NWD2: variants seen among roughly 807,000 people sequenced by gnomAD.
NWD2 encodes NACHT and WD repeat domain-containing protein 2.
Under a neutral mutation model 132.7 loss-of-function variants are expected in NWD2, and 37 were observed. The ratio of observed to expected loss-of-function variants is 0.28; its 90% confidence interval spans 0.21 to 0.37. The LOEUF (loss-of-function observed/expected upper bound fraction) is 0.37, where lower values mean the gene tolerates loss of function less well. Ranked by LOEUF, NWD2 falls within the 10% of genes least tolerant of loss-of-function variation. The pLI is 1.00. For missense variants in NWD2, 1,592 were observed against 2,122.4 expected (o/e 0.75, Z 4.91); for synonymous variants, 705 against 803.0 (o/e 0.88, Z 2.06).
Position 37,445,306 on chromosome 4 carries a change from C to T in NWD2, c.3318C>T (p.Cys1106=). ...HCWYEVTCVQ[C]SLDGLYAFCG... ...GGTATGAAGTGACGTGCGTCCAGTGCTCCCTGGATGGTCTGTATGCTTTCT... is the reference window on the plus strand; with the variant it reads ...GGTATGAAGTGACGTGCGTCCAGTGTTCCCTGGATGGTCTGTATGCTTTCT... Residue 1106 remains cysteine (C), a synonymous_variant, in exon 7 of 7, where the codon TGC becomes TGT. Coordinates refer to ENST00000309447, the MANE Select transcript of NWD2 (RefSeq NM_001144990.2). This position sits in a 1 kb window ranked among gnomAD's most constrained non-coding sequence, Gnocchi z 4.7. 6.4e-7 allele frequency: 1 copy of T among 1,552,052 alleles called. No homozygotes were observed. Among genetic ancestry groups the T allele is most frequent in the South Asian group, 1.2e-5 (1 of 84,062 alleles).
At chr4:37,304,083 A>G (rs1718661021) in intron 1 of NWD2, among the ~76,000 whole-genome samples, 1 of 152,248 alleles carries the variant, frequency 6.6e-6, no homozygotes, top group African/African-American at 2.4e-5. Context: ...AGTGGTTCAC[A>G]GTTCTGTAGG....
chr4:37,247,633 G>A (rs1289765714), intron 1 of NWD2, among the ~76,000 whole-genome samples: 1 of 151,398 alleles, frequency 6.6e-6, no homozygotes, highest in Non-Finnish European at 1.5e-5. Context: ...TTTTGAGACA[G>A]AGTCTCGCTC....
intron 3 of NWD2, among the ~76,000 whole-genome samples, chr4:37,377,030 T>C (rs1387244999): frequency 6.6e-6 from 1 of 152,240 alleles, no homozygotes; most frequent in African/African-American, 2.4e-5. Flanking sequence ...AAACATTTTA[T>C]CATTTTCCTA....
intron 3 of NWD2, among the ~76,000 whole-genome samples, chr4:37,389,959 T>C (rs542650419): frequency 6.6e-6 from 1 of 152,206 alleles, no homozygotes; most frequent in African/African-American, 2.4e-5. Flanking sequence ...TTTGTATTTC[T>C]GGTAGAGATG....
rs180837432 is a variant in NWD2, at chr4:37,245,750, G to A, written c.151+532G>A. The stretch of plus-strand genomic sequence containing the variant: ...GAGGCCAAGCAGACTTTTGTGAACC[G>A]GAGGTCGAGGGGGACACCCTCTGTG... On this transcript the variant is annotated intron_variant, in intron 1 of 6. Coordinates refer to ENST00000309447, the MANE Select transcript of NWD2 (RefSeq NM_001144990.2). 1.4e-3 allele frequency among the ~76,000 whole-genome samples: 219 copies of A among 152,178 alleles called. 3 individuals carry two copies. Among genetic ancestry groups the A allele is most frequent in the African/African-American group, 5.0e-3 (206 of 41,542 alleles).
intron 1 of NWD2, among the ~76,000 whole-genome samples, chr4:37,302,344 C>A (rs190300408): frequency 6.6e-6 from 1 of 152,094 alleles, no homozygotes; most frequent in Admixed American, 6.5e-5. Context: ...ACCATAATTT[C>A]TTTATCCATT....
At position 37,364,691 on chromosome 4, in the gene NWD2, T is replaced by TACACACACACACAC. The variant is rs57981065; in HGVS notation, c.357+8230_357+8243dup. On this transcript the variant is annotated intron_variant, in intron 3 of 6. Coordinates refer to ENST00000309447, the MANE Select transcript of NWD2 (RefSeq NM_001144990.2). ...GTCAGAGCAGACTTCTACCTCCACT[T>TACACACACACACAC]ACACACACACACACACACACACACA... Among the ~76,000 whole-genome samples the TACACACACACACAC allele has an allele frequency of 1.3e-3, 191 of 146,688 alleles. 2 individuals are homozygous for TACACACACACACAC. Among genetic ancestry groups the TACACACACACACAC allele is most frequent in the African/African-American group, 4.4e-3 (172 of 39,506 alleles).
intron 3 of NWD2, among the ~76,000 whole-genome samples, chr4:37,379,575 T>C (rs1057096825): frequency 6.6e-6 from 1 of 152,210 alleles, no homozygotes; most frequent in Admixed American, 6.5e-5. Context: ...TAATGCTTTT[T>C]GTTGGTGTGG....
At chr4:37,292,483 T>C (rs548938490) in intron 1 of NWD2, among the ~76,000 whole-genome samples, 1 of 152,234 alleles carries the variant, frequency 6.6e-6, no homozygotes, top group South Asian at 2.1e-4. Context: ...CTTCCCCGTT[T>C]CCAGAACTGT....
intron 3 of NWD2, among the ~76,000 whole-genome samples, chr4:37,363,947 C>A (rs1026543669): frequency 1.4e-5 from 2 of 145,786 alleles, no homozygotes; most frequent in Non-Finnish European, 3.0e-5. Flanking sequence ...CGTGGTGAAA[C>A]CCCCTTTTCT....
chr4:37,314,692 A>T (rs1718923322), intron 1 of NWD2, among the ~76,000 whole-genome samples: 1 of 152,108 alleles, frequency 6.6e-6, no homozygotes, highest in African/African-American at 2.4e-5. Context: ...CTGACAGTTG[A>T]TAATTGTACT....
chr4:37,336,952 G>GAAA (rs11371327), intron 2 of NWD2, among the ~76,000 whole-genome samples: 1,854 of 118,978 alleles, frequency 0.016, 42 homozygotes, highest in Admixed American at 0.039. Flanking sequence ...CTCAAAAAAA[G>GAAA]AAAAAAAAAA....
chr4:37,418,578 G>A (rs562641625), intron 3 of NWD2, among the ~76,000 whole-genome samples: 64 of 151,784 alleles, frequency 4.2e-4, no homozygotes, highest in Non-Finnish European at 7.1e-4. Flanking sequence ...TATGTTGATG[G>A]TAAATATCCT....
rs1487446306 is a variant in NWD2, at chr4:37,443,861, T to G, written c.1873T>G (p.Ser625Ala). The G allele has an allele frequency of 1.9e-6, 3 of 1,552,210 alleles. No homozygotes were observed. In the East Asian group the frequency reaches 7.3e-5, roughly 38 times the overall value. The part of the protein sequence containing the change: ...LTFREVRHWR[S>A]HKDVDESSLS... The stretch of plus-strand genomic sequence containing the variant: ...CTTCAGGGAGGTGAGGCACTGGAGA[T>G]CTCACAAAGACGTCGATGAATCCTC... Residue 625 changes from serine to alanine, a missense_variant, in exon 7 of 7, where the codon TCT becomes GCT. Transcript: ENST00000309447. This position sits in a 1 kb window ranked among gnomAD's most constrained non-coding sequence, Gnocchi z 4.1.
chr4:37,387,970 T>A (rs111948441), intron 3 of NWD2, among the ~76,000 whole-genome samples: 1 of 151,972 alleles, frequency 6.6e-6, no homozygotes, highest in Non-Finnish European at 1.5e-5. Flanking sequence ...ATTAAATGAT[T>A]TGTGCCAGGT....
chr4:37,298,029 T>C (rs1718534845), intron 1 of NWD2, among the ~76,000 whole-genome samples: 1 of 152,132 alleles, frequency 6.6e-6, no homozygotes, highest in African/African-American at 2.4e-5. Context: ...GGTGGGCGTC[T>C]CAGTAAGAGA....
chr4:37,414,126 A>C (rs66980202), intron 3 of NWD2, among the ~76,000 whole-genome samples: 10,313 of 152,208 alleles, frequency 0.068, 390 homozygotes, highest in East Asian at 0.16. Context: ...ATAATAAAAA[A>C]AAGAAAAAAA....
At chr4:37,318,021 T>C (rs1414326311) in intron 1 of NWD2, among the ~76,000 whole-genome samples, 1 of 42,796 alleles carries the variant, frequency 2.3e-5, no homozygotes, top group Non-Finnish European at 6.8e-5. Context: ...TTTTTCTTTC[T>C]TTTTTTTTTT....
rs538035825 is a variant in NWD2 at position 37,251,765 on chromosome 4, A to G, written c.151+6547A>G. Among the ~76,000 whole-genome samples, 4 of 152,324 alleles carry G rather than the reference A, an allele frequency of 2.6e-5. No homozygotes were observed. In the East Asian group the frequency reaches 5.8e-4, roughly 22 times the overall value. On this transcript the variant is annotated intron_variant, in intron 1 of 6. Coordinates refer to ENST00000309447, the MANE Select transcript of NWD2 (RefSeq NM_001144990.2). ...TTTCAGCCCCTACAGTACTAAGGAG[A>G]TAGATAATGGAGGGAAGAGATAATG... is the stretch of plus-strand genomic sequence containing the variant.
Sources: allele counts gnomAD v4.1 joint callset (sites outside exome capture counted in the v4.1 genomes callset), GRCh38; gene constraint gnomAD v4.1.1; non-coding constraint Gnocchi (gnomAD v3.1); transcripts MANE v1.5; gene names NCBI Gene and HGNC (gene_info 2026-07-23, HGNC 2026-07-21).